The following GSDMB variants were observed in gnomAD, a reference collection of about 807,000 sequenced individuals.
GSDMB encodes gasdermin B.
Under a neutral mutation model 42.9 loss-of-function variants are expected in GSDMB, and 32 were observed. The ratio of observed to expected loss-of-function variants is 0.75; its 90% confidence interval spans 0.56 to 1.00. GSDMB has a LOEUF of 1.00. Among genes scored for constraint, GSDMB ranks in the 50% least tolerant of loss-of-function variants. GSDMB has a pLI of 0.00. For synonymous variants in GSDMB, 175 were observed against 193.7 expected, an observed-to-expected ratio of 0.90 and a Z score of 0.80; for missense variants, 468 against 498.5, an observed-to-expected ratio of 0.94 and a Z score of 0.58.
chr17:39,909,426 G>A (rs774514883), intron 4 of GSDMB: 8 of 378,112 alleles, frequency 2.1e-5, no homozygotes, highest in African/African-American at 6.2e-5. Context: ...GGCTGGGTGC[G>A]TGGCTCACAC....
intron 2 of GSDMB, among the ~76,000 whole-genome samples, chr17:39,913,604 G>A (rs1332677263): frequency 1.3e-5 from 2 of 152,224 alleles, no homozygotes; most frequent in Admixed American, 6.5e-5. Context: ...GGGCGACAGC[G>A]AGACTCCATC....
At position 39,917,122 on chromosome 17, in the gene GSDMB, A is replaced by T; in HGVS notation, c.195T>A (p.Asp65Glu). The T allele has an allele frequency of 6.2e-7, 1 of 1,614,096 alleles. No individual in the cohort carries two copies. Among genetic ancestry groups the T allele is most frequent in the Non-Finnish European group, 8.5e-7 (1 of 1,179,982 alleles). ...GLTLMDILDT[D>E]GDKWLDELDS... ...CCAGTTCATCTAACCACTTGTCCCC[A>T]TCTGTGTCCAGAATGTCCATCAGGG... Residue 65 changes from aspartate (D) to glutamate (E), a missense_variant, in exon 2 of 11, where the codon GAT (aspartate) becomes GAA (glutamate). By Grantham distance (45) the Asp-to-Glu change is conservative (BLOSUM62 2). Transcript: ENST00000418519.
At chr17:39,917,026 G>T in intron 2 of GSDMB, 56 bp downstream of exon 2, 2 of 1,061,158 alleles carry the variant, frequency 1.9e-6, no homozygotes. Flanking sequence ...GAAGGAGATG[G>T]AGTACAAACG....
intron 7 of GSDMB, chr17:39,906,508 A>T: frequency 1.5e-6 from 2 of 1,317,324 alleles, no homozygotes; most frequent in East Asian, 2.8e-5. Flanking sequence ...CCCAACCCCA[A>T]ATTCTTCTCC....
chr17:39,909,972 C>G, intron 3 of GSDMB, 48 bp from the exon 4 acceptor site: 1 of 1,391,588 alleles, frequency 7.2e-7, no homozygotes, highest in Non-Finnish European at 1.0e-6. Context: ...AGGGCCTTAC[C>G]TCCCACTGAC....
Position 39,917,310 on chromosome 17 carries a change from T to C in GSDMB, c.7A>G (p.Ser3Gly), listed in dbSNP as rs550945873. ...ATTCTTGTGATTTCCTCAAATACGCTGAACATTGCGCCTGGACCAACTCAG... is the reference window on the plus strand; with the variant it reads ...ATTCTTGTGATTTCCTCAAATACGCCGAACATTGCGCCTGGACCAACTCAG... MF[S>G]VFEEITRIVV... Residue 3 changes from serine (S) to glycine (G), a missense_variant, in exon 2 of 11, where the codon AGC becomes GGC. Ser to Gly is a moderately conservative substitution (Grantham distance 56, BLOSUM62 0). Transcript: ENST00000418519. 5 of 1,605,554 alleles carry C rather than the reference T, an allele frequency of 3.1e-6. No homozygotes were observed. In the South Asian group the frequency reaches 5.5e-5, roughly 18 times the overall value.
intron 2 of GSDMB, among the ~76,000 whole-genome samples, chr17:39,915,731 C>T (rs957511467): frequency 3.3e-5 from 5 of 151,876 alleles, no homozygotes; most frequent in South Asian, 2.1e-4. Flanking sequence ...GCTTGCTTAA[C>T]GAAACTCTGC....
At chr17:39,913,733 G>A (rs1387447430) in intron 2 of GSDMB, among the ~76,000 whole-genome samples, 2 of 152,188 alleles carry the variant, frequency 1.3e-5, no homozygotes, top group Non-Finnish European at 2.9e-5. Flanking sequence ...GCACTAATAA[G>A]GGCCTTGGTT....
chr17:39,916,646 A>G (rs2063716821), intron 2 of GSDMB, among the ~76,000 whole-genome samples: 1 of 152,150 alleles, frequency 6.6e-6, no homozygotes, highest in African/African-American at 2.4e-5. Flanking sequence ...ACTGAAACTT[A>G]GAGCAATAAA....
At chr17:39,912,563 T>G in intron 2 of GSDMB, 66 bp from the exon 3 acceptor site, 1 of 1,279,260 alleles carries the variant, frequency 7.8e-7, no homozygotes. Context: ...CAAAACACCC[T>G]CCCTGGGGCA....
At chr17:39,911,339 A>C (rs62067036) in intron 3 of GSDMB, among the ~76,000 whole-genome samples, 1 of 150,364 alleles carries the variant, frequency 6.7e-6, no homozygotes. Flanking sequence ...AAAAAAAAGG[A>C]AAAGGAAAAG....
rs368803789 is a variant in GSDMB at position 39,913,076 on chromosome 17, C to T, written c.236-579G>A. Among the ~76,000 whole-genome samples the T allele has an allele frequency of 9.9e-5, 15 of 152,168 alleles. No homozygotes were observed. In the East Asian group the frequency reaches 2.7e-3, roughly 27 times the overall value. On this transcript the variant is annotated intron_variant, in intron 2 of 10. Transcript: ENST00000418519. ...GAGCTGAGATCACACCACTGCACTC[C>T]AGCCTGGAGGAGAGTGACACTCTGC... is the stretch of plus-strand genomic sequence containing the variant.
intron 9 of GSDMB, 113 bp from the exon 10 acceptor site, chr17:39,905,609 G>T: frequency 2.1e-6 from 2 of 975,442 alleles, no homozygotes; most frequent in Non-Finnish European, 3.2e-6. Context: ...GCCCCTGGGA[G>T]TGCTAGATGA....
chr17:39,906,614 G>A, intron 7 of GSDMB: 1 of 1,305,476 alleles, frequency 7.7e-7, no homozygotes, highest in Non-Finnish European at 9.7e-7. Context: ...TTTGGAGAAA[G>A]TTAAAGCAGT....
At chr17:39,916,503 G>A (rs1209418725) in intron 2 of GSDMB, among the ~76,000 whole-genome samples, 1 of 151,502 alleles carries the variant, frequency 6.6e-6, no homozygotes, top group African/African-American at 2.4e-5. Context: ...TGTTAGCCAG[G>A]ATGGTCTCGA....
At chr17:39,906,477 C>T (rs2063507037) in intron 7 of GSDMB, 1 of 1,088,650 alleles carries the variant, frequency 9.2e-7, no homozygotes, top group Non-Finnish European at 1.3e-6. Context: ...TTCCATCTCC[C>T]CAGCTCACCC....
At chr17:39,910,828 T>C (rs965423156) in intron 3 of GSDMB, among the ~76,000 whole-genome samples, 6 of 152,244 alleles carry the variant, frequency 3.9e-5, no homozygotes, top group Non-Finnish European at 7.4e-5. Flanking sequence ...ACCTATCCAG[T>C]GCCCCACCCC....
At chr17:39,908,441 G>A (rs1386664938) in intron 5 of GSDMB, among the ~76,000 whole-genome samples, 1 of 150,460 alleles carries the variant, frequency 6.6e-6, no homozygotes, top group African/African-American at 2.5e-5. Context: ...GTGCAATGGT[G>A]AGATCTCGGC....
At chr17:39,910,162 T>C (rs190843712) in intron 3 of GSDMB, among the ~76,000 whole-genome samples, 6 of 152,090 alleles carry the variant, frequency 3.9e-5, no homozygotes, top group Admixed American at 3.3e-4. Flanking sequence ...TCCCAGCATT[T>C]TGGGAGGCTG....
Sources: allele counts gnomAD v4.1 joint callset (sites outside exome capture counted in the v4.1 genomes callset), GRCh38; gene constraint gnomAD v4.1.1; transcripts MANE v1.5; gene names NCBI Gene and HGNC (gene_info 2026-07-23, HGNC 2026-07-21).